Variants in APLP2 observed in about 807,000 individuals in gnomAD.
The protein encoded by APLP2 is amyloid beta precursor like protein 2.
APLP2 carries 53 observed loss-of-function variants against 89.9 expected under a neutral mutation model. That is an observed-to-expected ratio of 0.59 (90% CI 0.47 to 0.74). APLP2 has a LOEUF of 0.74. APLP2 is among the 30% of genes least tolerant of loss of function. The probability of loss-of-function intolerance (pLI) is 0.00; values close to 1 mark genes in which losing one functional copy is unlikely to be tolerated. For synonymous variants in APLP2, 372 were observed against 348.6 expected (o/e 1.07, Z -0.75); for missense variants, 973 against 975.9 (o/e 1.00, Z 0.04).
chr11:130,078,191 A>C (rs1290421354), intron 1 of APLP2, among the ~76,000 whole-genome samples: 2 of 150,574 alleles, frequency 1.3e-5, no homozygotes, highest in Non-Finnish European at 3.0e-5. Flanking sequence ...AGCTTCATAT[A>C]AGTGGAATCA....
intron 1 of APLP2, among the ~76,000 whole-genome samples, chr11:130,091,311 C>G (rs1591779100): frequency 7.2e-6 from 1 of 138,116 alleles, no homozygotes; most frequent in Non-Finnish European, 1.5e-5. Context: ...GCTGGCCGGG[C>G]GGGGGGCTGA....
chr11:130,122,298 C>G lies in APLP2; in HGVS notation c.714-7C>G. 1 of 1,613,490 alleles carries G rather than the reference C, an allele frequency of 6.2e-7. No homozygotes were observed. Among genetic ancestry groups the G allele is most frequent in the Non-Finnish European group, 8.5e-7 (1 of 1,179,872 alleles). On this transcript the variant is annotated splice_region_variant and splice_polypyrimidine_tract_variant and intron_variant, in intron 5 of 16. Transcript: ENST00000338167. ...TAACCTTCCTTTTTTTCTATTTTGG[C>G]CTTCAGTGAATTTCCTACTGAAGCA... is the stretch of plus-strand genomic sequence containing the variant.
intron 1 of APLP2, among the ~76,000 whole-genome samples, chr11:130,082,257 C>T (rs1176353584): frequency 6.6e-6 from 1 of 151,970 alleles, no homozygotes; most frequent in Non-Finnish European, 1.5e-5. Flanking sequence ...GATTTTGGCT[C>T]ACTACAACCT....
chr11:130,091,280 ACC>A (rs1945085293), intron 1 of APLP2, among the ~76,000 whole-genome samples: 1 of 98,784 alleles, frequency 1.0e-5, no homozygotes, highest in African/African-American at 4.8e-5. Flanking sequence ...TGACCCCCCC[ACC>A]TCCCTCCCGG....
chr11:130,118,515 A>G (rs1291151822), intron 3 of APLP2, among the ~76,000 whole-genome samples: 2 of 152,214 alleles, frequency 1.3e-5, no homozygotes, highest in Non-Finnish European at 2.9e-5. Flanking sequence ...AACCCTGCAT[A>G]TACTTTTCCT....
chr11:130,092,767 C>T (rs1945598301), intron 1 of APLP2, among the ~76,000 whole-genome samples: 1 of 151,588 alleles, frequency 6.6e-6, no homozygotes, highest in African/African-American at 2.4e-5. Flanking sequence ...ACTTAGTTTG[C>T]AATACAGTTA....
At chr11:130,126,080 T>A (rs1165147964) in intron 7 of APLP2, among the ~76,000 whole-genome samples, 1 of 152,174 alleles carries the variant, frequency 6.6e-6, no homozygotes, top group Non-Finnish European at 1.5e-5. Context: ...GTTTTATCCT[T>A]GTTGGTTCTG....
chr11:130,140,359 C>T (rs1253600202), intron 13 of APLP2, 39 bp from the exon 14 acceptor site: 1 of 1,528,944 alleles, frequency 6.5e-7, no homozygotes, highest in Non-Finnish European at 8.9e-7. Context: ...GTGAGATGGG[C>T]CATCCTTGGG....
chr11:130,140,569 C>A, intron 14 of APLP2, 86 bp downstream of exon 14: 1 of 1,136,390 alleles, frequency 8.8e-7, no homozygotes, highest in Non-Finnish European at 1.2e-6. Context: ...CTTCCAGGTG[C>A]ACGTCTCTGT....
At chr11:130,122,024 G>A (rs1949883384) in intron 5 of APLP2, among the ~76,000 whole-genome samples, 2 of 152,094 alleles carry the variant, frequency 1.3e-5, no homozygotes, top group Non-Finnish European at 2.9e-5. Context: ...GTTATTTTCT[G>A]CAGGTTACTA....
chr11:130,070,881 G>A lies in APLP2; in HGVS notation c.105+799G>A, dbSNP rs906061569. 1.6e-4 allele frequency: 115 copies of A among 715,078 alleles called. 1 individual carries two copies. In the African/African-American group the frequency reaches 1.8e-3, roughly 11 times the overall value. 44.3% of individuals were successfully genotyped at this position (715,078 alleles called of 1,614,324 possible). A position where few individuals can be genotyped will look rare whatever the true frequency, so the allele number is the denominator to read the frequency against. ...GTTGTGCTTCGAGGTCGCACCCTGA[G>A]CATCCCCGCTGCGAGAAAGGCGAAG... is the stretch of plus-strand genomic sequence containing the variant. On this transcript the variant is annotated intron_variant, in intron 1 of 16. Transcript: ENST00000338167.
chr11:130,070,555 G>A (rs1243535641), intron 1 of APLP2: 5 of 1,281,432 alleles, frequency 3.9e-6, no homozygotes, highest in African/African-American at 1.6e-5. Context: ...ACCTGCGAGC[G>A]GCGGGCTTCG....
At chr11:130,071,961 G>C (rs923209851) in intron 1 of APLP2, among the ~76,000 whole-genome samples, 2 of 152,196 alleles carry the variant, frequency 1.3e-5, no homozygotes, top group African/African-American at 4.8e-5. Context: ...TAATTTAGAT[G>C]AGAGTGGCCT....
At chr11:130,135,445 AG>A (rs1170985849) in intron 12 of APLP2, 117 bp from the exon 13 acceptor site, 4 of 1,180,114 alleles carry the variant, frequency 3.4e-6, no homozygotes, top group African/African-American at 1.5e-5. Flanking sequence ...GAATCAAGGA[AG>A]GTGTTTCAGG....
chr11:130,093,323 G>A (rs149746753), intron 1 of APLP2, among the ~76,000 whole-genome samples: 1 of 152,254 alleles, frequency 6.6e-6, no homozygotes, highest in African/African-American at 2.4e-5. Context: ...AACAAAACAA[G>A]AAGAAAAAGC....
chr11:130,089,281 C>CT (rs1327318731), intron 1 of APLP2, among the ~76,000 whole-genome samples: 3 of 152,182 alleles, frequency 2.0e-5, no homozygotes, highest in African/African-American at 7.2e-5. Flanking sequence ...TTCATCTTTC[C>CT]TGATCACACC....
intron 12 of APLP2, among the ~76,000 whole-genome samples, chr11:130,134,792 G>A (rs141897954): frequency 1.3e-5 from 2 of 152,270 alleles, no homozygotes; most frequent in East Asian, 3.9e-4. Flanking sequence ...GCTGCGCCCA[G>A]GGCTGCGTGT....
At chr11:130,077,284 G>A (rs1292436417) in intron 1 of APLP2, among the ~76,000 whole-genome samples, 1 of 152,212 alleles carries the variant, frequency 6.6e-6, no homozygotes, top group Non-Finnish European at 1.5e-5. Flanking sequence ...TGGCTGGAAT[G>A]GTGAAGAATG....
intron 1 of APLP2, among the ~76,000 whole-genome samples, chr11:130,090,690 G>A (rs1478696311): frequency 4.6e-5 from 7 of 152,168 alleles, no homozygotes; most frequent in Non-Finnish European, 8.8e-5. Flanking sequence ...GCAACCATCC[G>A]ATTTCTCAAT....
Sources: allele counts gnomAD v4.1 joint callset (sites outside exome capture counted in the v4.1 genomes callset), GRCh38; gene constraint gnomAD v4.1.1; transcripts MANE v1.5; gene names NCBI Gene and HGNC (gene_info 2026-07-23, HGNC 2026-07-21).